Variants in IKZF3 observed in about 807,000 individuals in gnomAD.
IKZF3 encodes zinc finger protein Aiolos.
In IKZF3, 10 loss-of-function variants were observed where a neutral mutation model predicts 49.0. That is an observed-to-expected ratio of 0.20 (90% CI 0.13 to 0.35). The LOEUF is 0.35. Among genes scored for constraint, IKZF3 ranks in the 10% least tolerant of loss-of-function variants. IKZF3 has a pLI of 1.00. For synonymous variants in IKZF3, 209 were observed against 228.2 expected, an observed-to-expected ratio of 0.92 and a Z score of 0.76; for missense variants, 498 against 664.8, an observed-to-expected ratio of 0.75 and a Z score of 2.76.
At chr17:39,822,685 C>G (rs1280063355) in intron 3 of IKZF3, among the ~76,000 whole-genome samples, 4 of 151,392 alleles carry the variant, frequency 2.6e-5, no homozygotes, top group East Asian at 3.9e-4. Context: ...TGGATTCACA[C>G]CATTCTCCTG....
At chr17:39,778,962 T>C (rs2060659821) in intron 6 of IKZF3, among the ~76,000 whole-genome samples, 2 of 152,306 alleles carry the variant, frequency 1.3e-5, no homozygotes, top group Middle Eastern at 3.4e-3. Context: ...CAGGCCCCCC[T>C]TCAGATCAAT....
At chr17:39,807,688 T>C (rs2061464997) in intron 3 of IKZF3, among the ~76,000 whole-genome samples, 1 of 150,680 alleles carries the variant, frequency 6.6e-6, no homozygotes, top group African/African-American at 2.4e-5. Context: ...CTCAAAAATT[T>C]TAAGAAAAAA....
chr17:39,842,100 CATAA>C (rs2062493249), intron 1 of IKZF3, among the ~76,000 whole-genome samples: 1 of 134,650 alleles, frequency 7.4e-6, no homozygotes, highest in Non-Finnish European at 1.6e-5. Context: ...TATGGGTATA[CATAA>C]ATACAGTCCC....
intron 6 of IKZF3, among the ~76,000 whole-genome samples, chr17:39,780,234 G>C (rs1459119309): frequency 7.3e-6 from 1 of 137,468 alleles, no homozygotes; most frequent in African/African-American, 2.9e-5. Context: ...GACAGAGTGA[G>C]ACTCTGTCTA....
chr17:39,859,192 A>C (rs995621212), intron 1 of IKZF3, among the ~76,000 whole-genome samples: 1 of 151,992 alleles, frequency 6.6e-6, no homozygotes, highest in African/African-American at 2.4e-5. Flanking sequence ...AGACTGAAAA[A>C]ATAACCTCAT....
At position 39,758,800 on chromosome 17, in the gene IKZF3, T is replaced by C. The variant is rs1382040378; in HGVS notation, c.*6990A>G. ...CATTAAAACAACATGAAGGAAACTGTTAGAGATCAGTTACCTCCATAATTC... is the reference window on the plus strand; with the variant it reads ...CATTAAAACAACATGAAGGAAACTGCTAGAGATCAGTTACCTCCATAATTC... On this transcript the variant is annotated 3_prime_UTR_variant, in exon 8 of 8. Transcript: ENST00000346872. 1.3e-5 allele frequency: 2 copies of C among 149,682 alleles called. No individual in the cohort carries two copies. The highest frequency in any genetic ancestry group is 3.0e-5 in the Non-Finnish European group (2 of 67,596). The allele number at this position is 149,682 out of a possible 1,614,324, so 9.3% of individuals were successfully genotyped here. A position where few individuals can be genotyped will look rare whatever the true frequency, so the allele number is the denominator to read the frequency against.
chr17:39,854,006 A>G (rs1598220241), intron 1 of IKZF3, among the ~76,000 whole-genome samples: 2 of 152,038 alleles, frequency 1.3e-5, no homozygotes, highest in South Asian at 4.1e-4. Flanking sequence ...CATGCCTGTA[A>G]TCCCAGCTAC....
In IKZF3 at chr17:39,761,581, A is replaced by ATATATATATATATAC. The variant is rs1567944278; in HGVS notation, c.*4208_*4209insGTATATATATATATA. The ATATATATATATATAC allele has an allele frequency of 4.8e-5, 7 of 146,944 alleles. No homozygotes were observed. The highest frequency in any genetic ancestry group is 1.9e-4 in the African/African-American group (7 of 37,716). 9.1% of individuals were successfully genotyped at this position (146,944 alleles called of 1,614,324 possible). On this transcript the variant is annotated 3_prime_UTR_variant, in exon 8 of 8. Transcript: ENST00000346872. ...ATACATACATATATATACATATACAAAAAAAATAAAAATAAATTAAAAAAT... is the reference window on the plus strand; with the variant it reads ...ATACATACATATATATACATATACAATATATATATATATACAAAAAATAAAAATAAATTAAAAAAT...
At chr17:39,815,229 A>G (rs2144139400) in intron 3 of IKZF3, among the ~76,000 whole-genome samples, 1 of 152,384 alleles carries the variant, frequency 6.6e-6, no homozygotes, top group South Asian at 2.1e-4. Flanking sequence ...ATCCAATTTC[A>G]GAGGAAGAAG....
Position 39,777,673 on chromosome 17 carries a change from G to A in IKZF3, c.804C>T (p.Ser268=), listed in dbSNP as rs1471311208. Reference sequence around the variant, plus strand: ...TACCAATGAATTTCTGAGGCATTGAGCTTTTTCGTTTTGCCACATTGCTTG... The same window carrying A: ...TACCAATGAATTTCTGAGGCATTGAACTTTTTCGTTTTGCCACATTGCTTG... ...RLASNVAKRK[S]SMPQKFIGEK... The change falls in exon 7 of 8, where the codon AGC becomes AGT. Residue 268 remains serine, a synonymous_variant. Transcript: ENST00000346872. 6.8e-6 allele frequency: 11 copies of A among 1,613,158 alleles called. No homozygotes were observed. The highest frequency in any genetic ancestry group is 9.3e-6 in the Non-Finnish European group (11 of 1,179,460).
chr17:39,823,612 A>C (rs1160433555), intron 3 of IKZF3, among the ~76,000 whole-genome samples: 1 of 152,158 alleles, frequency 6.6e-6, no homozygotes, highest in Non-Finnish European at 1.5e-5. Context: ...GGCTGGGTCC[A>C]GGGTCACCCT....
intron 1 of IKZF3, among the ~76,000 whole-genome samples, chr17:39,853,008 A>G (rs1170837016): frequency 6.6e-6 from 1 of 152,174 alleles, no homozygotes; most frequent in African/African-American, 2.4e-5. Flanking sequence ...TGAAGAAAAC[A>G]GCCAAAGCCA....
chr17:39,779,955 T>C (rs1432561421), intron 6 of IKZF3, among the ~76,000 whole-genome samples: 1 of 152,120 alleles, frequency 6.6e-6, no homozygotes, highest in Non-Finnish European at 1.5e-5. Flanking sequence ...ATCCCAGTGC[T>C]TTGGGAGACT....
At chr17:39,800,650 GA>G (rs2061294459) in intron 3 of IKZF3, among the ~76,000 whole-genome samples, 2 of 152,062 alleles carry the variant, frequency 1.3e-5, no homozygotes, top group Admixed American at 1.3e-4. Flanking sequence ...TGACACACAC[GA>G]ACACACACAC....
intron 1 of IKZF3, among the ~76,000 whole-genome samples, chr17:39,849,181 C>T (rs2062721920): frequency 6.6e-6 from 1 of 152,116 alleles, no homozygotes; most frequent in Non-Finnish European, 1.5e-5. Context: ...AGCCTGTAAT[C>T]CCAGCACTTT....
At chr17:39,860,240 A>C (rs1205479513) in intron 1 of IKZF3, among the ~76,000 whole-genome samples, 1 of 151,374 alleles carries the variant, frequency 6.6e-6, no homozygotes, top group African/African-American at 2.4e-5. Flanking sequence ...TATCTCTTTA[A>C]AAATAATAAT....
chr17:39,817,602 C>A (rs959960122), intron 3 of IKZF3, among the ~76,000 whole-genome samples: 1 of 152,086 alleles, frequency 6.6e-6, no homozygotes, highest in African/African-American at 2.4e-5. Flanking sequence ...CAGTACCGGG[C>A]CTAACTCTAG....
chr17:39,765,979 C>T lies in IKZF3; in HGVS notation c.1341G>A (p.Glu447=), dbSNP rs752549448. Residue 447 remains glutamate (E), a synonymous_variant, in exon 8 of 8, where the codon GAG becomes GAA. Coordinates refer to ENST00000346872, the MANE Select transcript of IKZF3 (RefSeq NM_012481.5). ...GGTCACACCGATACACATCCATCAC[C>T]TCCCCTTCCTTGTTGATCACTTTGA... The part of the protein sequence containing the change: ...DSVKVINKEG[E]VMDVYRCDHC... 6 of 1,614,088 alleles carry T rather than the reference C, an allele frequency of 3.7e-6. No homozygotes were observed. In the African/African-American group the frequency reaches 5.3e-5, roughly 14 times the overall value.
At chr17:39,832,977 CAT>C (rs1310400940) in intron 1 of IKZF3, among the ~76,000 whole-genome samples, 1 of 152,056 alleles carries the variant, frequency 6.6e-6, no homozygotes, top group Non-Finnish European at 1.5e-5. Flanking sequence ...CAAAATATCA[CAT>C]GTGCCCCATA....
Sources: allele counts gnomAD v4.1 joint callset (sites outside exome capture counted in the v4.1 genomes callset), GRCh38; gene constraint gnomAD v4.1.1; transcripts MANE v1.5; gene names NCBI Gene and HGNC (gene_info 2026-07-23, HGNC 2026-07-21).